Variants in COLEC12 observed in about 807,000 individuals in gnomAD.
The protein encoded by COLEC12 is collectin-12.
Under a neutral mutation model 71.1 loss-of-function variants are expected in COLEC12, and 33 were observed. The observed-to-expected ratio is 0.46, with a 90% CI of 0.35 to 0.62. The LOEUF (loss-of-function observed/expected upper bound fraction) is 0.62. Among genes scored for constraint, COLEC12 ranks in the 20% least tolerant of loss-of-function variants. The probability of loss-of-function intolerance (pLI) is 0.00; values close to 1 mark genes in which losing one functional copy is unlikely to be tolerated. For synonymous variants in COLEC12, 350 were observed against 353.0 expected (o/e 0.99, Z 0.10); for missense variants, 765 against 916.1 (o/e 0.84, Z 2.13).
At chr18:467,801 A>C (rs1917115933) in intron 2 of COLEC12, among the ~76,000 whole-genome samples, 2 of 151,262 alleles carry the variant, frequency 1.3e-5, no homozygotes, top group South Asian at 4.1e-4. Flanking sequence ...ATGGAAAACC[A>C]ACAGTCTTGA....
rs1427328434 is a variant in COLEC12 at position 346,633 on chromosome 18, T to C, written c.989A>G (p.Asn330Ser). The C allele has an allele frequency of 2.5e-6, 4 of 1,614,206 alleles. No homozygotes were observed. Among genetic ancestry groups the C allele is most frequent in the South Asian group, 1.1e-5 (1 of 91,086 alleles). The change falls in exon 5 of 10, where the codon AAC becomes AGC. Residue 330 changes from asparagine (N) to serine (S), a missense_variant. Asn to Ser is a conservative substitution (Grantham distance 46). Coordinates refer to ENST00000400256, the MANE Select transcript of COLEC12 (RefSeq NM_130386.3). This position sits in a 1 kb window ranked among gnomAD's most constrained non-coding sequence, Gnocchi z 4.0. ...DAENRTAIKFNQLEERFQLFE... is the reference protein window; with the variant it reads ...DAENRTAIKFSQLEERFQLFE... The stretch of plus-strand genomic sequence containing the variant: ...GAGCTGGAAGCGTTCCTCCAGTTGG[T>C]TGAACTTGATGGCTGTTCTATTCTC...
intron 8 of COLEC12, 103 bp from the exon 9 acceptor site, chr18:321,910 A>G: frequency 4.5e-6 from 5 of 1,111,684 alleles, no homozygotes; most frequent in Non-Finnish European, 6.5e-6. Flanking sequence ...GAAGCATGTC[A>G]TTTATCCTGG....
chr18:415,386 A>C (rs1297022349), intron 2 of COLEC12, among the ~76,000 whole-genome samples: 1 of 152,108 alleles, frequency 6.6e-6, no homozygotes, highest in Admixed American at 6.5e-5. Flanking sequence ...CCTAGGGATG[A>C]GGTAGCGCCT....
intron 2 of COLEC12, among the ~76,000 whole-genome samples, chr18:398,605 T>C (rs1915617512): frequency 1.3e-5 from 2 of 152,170 alleles, no homozygotes; most frequent in South Asian, 4.1e-4. Context: ...CAACTGACTG[T>C]CAGTGGGCCA....
At chr18:351,698 G>A (rs1359219409) in intron 3 of COLEC12, among the ~76,000 whole-genome samples, 2 of 152,112 alleles carry the variant, frequency 1.3e-5, no homozygotes, top group African/African-American at 4.8e-5. Flanking sequence ...CTCCCGAGTA[G>A]CTGGGATTAC....
At chr18:484,559 A>T (rs986467957) in intron 1 of COLEC12, among the ~76,000 whole-genome samples, 5 of 152,324 alleles carry the variant, frequency 3.3e-5, no homozygotes, top group South Asian at 4.1e-4. Flanking sequence ...GAAGTGCCTT[A>T]AATCAGTCTC....
chr18:372,117 T>TC (rs1915013736), intron 2 of COLEC12, among the ~76,000 whole-genome samples: 1 of 151,844 alleles, frequency 6.6e-6, no homozygotes, highest in Non-Finnish European at 1.5e-5. Flanking sequence ...CTATCCCACC[T>TC]CCCCCCATTC....
At position 378,330 on chromosome 18, in the gene COLEC12, C is replaced by A. The variant is rs543050415; in HGVS notation, c.59-20808G>T. Among the ~76,000 whole-genome samples, 6 of 152,180 alleles carry A rather than the reference C, an allele frequency of 3.9e-5. No homozygotes were observed. In the East Asian group the frequency reaches 1.2e-3, roughly 29 times the overall value. ...ATCAGAAGAAGTTGTGAATTAAACA[C>A]AAAAACCGTCATAAATAAAAGTAGA... On this transcript the variant is annotated intron_variant, in intron 2 of 9. Transcript: ENST00000400256.
At chr18:340,077 A>AAAAAAAAC (rs1436017377) in intron 5 of COLEC12, among the ~76,000 whole-genome samples, 3 of 149,812 alleles carry the variant, frequency 2.0e-5, no homozygotes, top group Admixed American at 1.3e-4. Flanking sequence ...CTGAAAGCAA[A>AAAAAAAAC]AAAAAAAAAA....
At chr18:445,988 A>T (rs1310892560) in intron 2 of COLEC12, among the ~76,000 whole-genome samples, 1 of 152,152 alleles carries the variant, frequency 6.6e-6, no homozygotes, top group African/African-American at 2.4e-5. Context: ...TATAAATGGA[A>T]TCATAATATG....
At chr18:416,996 A>G (rs1346126331) in intron 2 of COLEC12, among the ~76,000 whole-genome samples, 1 of 151,738 alleles carries the variant, frequency 6.6e-6, no homozygotes, top group Admixed American at 6.6e-5. Context: ...TGCAGTAATT[A>G]GCAATCATTC....
At chr18:439,538 A>C (rs1399695718) in intron 2 of COLEC12, among the ~76,000 whole-genome samples, 6 of 151,688 alleles carry the variant, frequency 4.0e-5, no homozygotes, top group Non-Finnish European at 8.8e-5. Context: ...TTTTAAAATA[A>C]GATTTTAAAA....
At chr18:365,693 TA>T (rs1041386897) in intron 2 of COLEC12, among the ~76,000 whole-genome samples, 8 of 151,728 alleles carry the variant, frequency 5.3e-5, no homozygotes, top group Non-Finnish European at 7.4e-5. Context: ...AGCCTCCCTC[TA>T]AAAAAAAATT....
At position 319,134 on chromosome 18, in the gene COLEC12, C is replaced by T. The variant is rs1037226154; in HGVS notation, c.*911G>A. On this transcript the variant is annotated 3_prime_UTR_variant, in exon 10 of 10. Coordinates refer to ENST00000400256, the MANE Select transcript of COLEC12 (RefSeq NM_130386.3). ...ACTCCACCAAAATGAAGTGGAAGCA[C>T]GTCTTGAGTTGCCCATTTCTTCTGT... 12 of 151,826 alleles carry T rather than the reference C, an allele frequency of 7.9e-5. No homozygotes were observed. The highest frequency in any genetic ancestry group is 2.2e-4 in the African/African-American group (9 of 41,352). 9.4% of individuals were successfully genotyped at this position (151,826 alleles called of 1,614,324 possible). A position where few individuals can be genotyped will look rare whatever the true frequency, so the allele number is the denominator to read the frequency against.
intron 2 of COLEC12, among the ~76,000 whole-genome samples, chr18:377,930 C>T (rs76372263): frequency 0.1 from 15,792 of 152,110 alleles, 929 homozygotes; most frequent in African/African-American, 0.14. Flanking sequence ...TCCTTCCCCA[C>T]TGAGAAAGCT....
intron 2 of COLEC12, among the ~76,000 whole-genome samples, chr18:384,211 G>C (rs1360836555): frequency 5.3e-5 from 8 of 152,008 alleles, no homozygotes; most frequent in Non-Finnish European, 1.0e-4. Context: ...GTTATATCAG[G>C]GTCTCTGCTT....
At chr18:378,387 G>C (rs923500342) in intron 2 of COLEC12, among the ~76,000 whole-genome samples, 1 of 152,236 alleles carries the variant, frequency 6.6e-6, no homozygotes, top group Non-Finnish European at 1.5e-5. Flanking sequence ...TTGCTCCACT[G>C]TTTAGGGAAA....
intron 2 of COLEC12, among the ~76,000 whole-genome samples, chr18:431,071 C>A (rs192901279): frequency 6.6e-5 from 10 of 152,128 alleles, no homozygotes; most frequent in Admixed American, 5.2e-4. Context: ...AGGCTCACCA[C>A]AGCCTTGACC....
intron 2 of COLEC12, among the ~76,000 whole-genome samples, chr18:438,798 G>C (rs1916455164): frequency 1.1e-5 from 1 of 91,330 alleles, no homozygotes; most frequent in South Asian, 5.3e-4. Context: ...ATAAGACCTT[G>C]TCTCAAAAAA....
Sources: allele counts gnomAD v4.1 joint callset (sites outside exome capture counted in the v4.1 genomes callset), GRCh38; gene constraint gnomAD v4.1.1; non-coding constraint Gnocchi (gnomAD v3.1); transcripts MANE v1.5; gene names NCBI Gene and HGNC (gene_info 2026-07-23, HGNC 2026-07-21).